SNX25: variants seen among roughly 807,000 people sequenced by gnomAD.
SNX25 encodes the protein sorting nexin-25.
Under a neutral mutation model 113.7 loss-of-function variants are expected in SNX25, and 62 were observed. The observed-to-expected ratio is 0.55, with a 90% CI of 0.44 to 0.67. The LOEUF (loss-of-function observed/expected upper bound fraction) is 0.67. Ranked by LOEUF, SNX25 falls within the 30% of genes least tolerant of loss-of-function variation. The pLI, the probability that SNX25 is intolerant of heterozygous loss-of-function variation, is 0.00. For synonymous variants in SNX25, 421 were observed against 436.2 expected (o/e 0.97, Z 0.43); for missense variants, 1,014 against 1,161.0 (o/e 0.87, Z 1.84).
intron 9 of SNX25, among the ~76,000 whole-genome samples, chr4:185,324,696 G>A (rs1044008490): frequency 2.6e-5 from 4 of 152,138 alleles, no homozygotes; most frequent in Admixed American, 6.6e-5. Flanking sequence ...TCAGCTATTA[G>A]GCTGATGCCC....
intron 3 of SNX25, among the ~76,000 whole-genome samples, chr4:185,262,088 C>G (rs563799020): frequency 1.3e-5 from 2 of 152,296 alleles, no homozygotes; most frequent in East Asian, 3.9e-4. Context: ...CTAGTGGCTG[C>G]AGAATGACTT....
chr4:185,332,780 T>C (rs375991872), intron 10 of SNX25, 21 bp downstream of exon 10: 23 of 1,606,924 alleles, frequency 1.4e-5, no homozygotes, highest in Non-Finnish European at 2.0e-5. Context: ...GCTTTCAAGG[T>C]TGTCTTTGAA....
intron 1 of SNX25, among the ~76,000 whole-genome samples, chr4:185,212,491 G>GTGTGTGTGTGTTTGTTT (rs546083196): frequency 9.5e-6 from 1 of 104,944 alleles, no homozygotes; most frequent in African/African-American, 3.7e-5. Flanking sequence ...GTGTGTGTGT[G>GTGTGTGTGTGTTTGTTT]TTTTTTTTTT....
chr4:185,315,658 A>G (rs996499974), intron 7 of SNX25, among the ~76,000 whole-genome samples: 1 of 152,202 alleles, frequency 6.6e-6, no homozygotes, highest in Non-Finnish European at 1.5e-5. Context: ...TACTCTTTCA[A>G]AAAACGGAGA....
chr4:185,204,891 G>T (rs1737118425), upstream of SNX25, among the ~76,000 whole-genome samples: 1 of 152,208 alleles, frequency 6.6e-6, no homozygotes, highest in African/African-American at 2.4e-5. Flanking sequence ...TTTGATTTTA[G>T]ACTTAATACC....
At chr4:185,206,146 T>TC, upstream of SNX25, among the ~76,000 whole-genome samples, 1 of 152,152 alleles carries the variant, frequency 6.6e-6, no homozygotes, top group African/African-American at 2.4e-5. Flanking sequence ...CCCAGCAATT[T>TC]CCCTTCTGGA....
chr4:185,320,535 C>T (rs1185245908), intron 7 of SNX25, among the ~76,000 whole-genome samples, 198 bp from the exon 8 acceptor site: 2 of 152,034 alleles, frequency 1.3e-5, no homozygotes, highest in Admixed American at 6.6e-5. Flanking sequence ...CAAACCACCA[C>T]AGCACATATA....
intron 11 of SNX25, 78 bp from the exon 12 acceptor site, chr4:185,341,898 G>C: frequency 1.4e-6 from 2 of 1,472,778 alleles, no homozygotes; most frequent in Non-Finnish European, 1.8e-6. Context: ...AATCTCCTTA[G>C]GGGGACACTT....
chr4:185,288,212 A>G (rs945383106), intron 6 of SNX25, 130 bp downstream of exon 6: 5 of 636,974 alleles, frequency 7.8e-6, no homozygotes, highest in Non-Finnish European at 8.3e-6. Flanking sequence ...CAATTTATTA[A>G]AAACAATACT....
At chr4:185,204,641 A>T (rs1737107337), upstream of SNX25, among the ~76,000 whole-genome samples, 1 of 152,230 alleles carries the variant, frequency 6.6e-6, no homozygotes, top group South Asian at 2.1e-4. Context: ...GATTTAGCTG[A>T]TGTGATTAAG....
At chr4:185,370,651 A>C, downstream of SNX25, 5 of 1,613,912 alleles carry the variant, frequency 3.1e-6, no homozygotes, top group Non-Finnish European at 4.2e-6. Context: ...TTAGAATAAT[A>C]GTGTTTAGCG....
At chr4:185,221,531 A>G (rs751574902) in intron 1 of SNX25, among the ~76,000 whole-genome samples, 1 of 151,974 alleles carries the variant, frequency 6.6e-6, no homozygotes, top group Non-Finnish European at 1.5e-5. Flanking sequence ...AGCTACCGTC[A>G]TGTCCCACCT....
At chr4:185,372,732 C>T (rs1246525044), downstream of SNX25, 12 of 716,874 alleles carry the variant, frequency 1.7e-5, no homozygotes, top group Non-Finnish European at 2.5e-5. Flanking sequence ...TGATGGTCCT[C>T]CCCTCTGGAG....
At chr4:185,357,814 C>T in intron 16 of SNX25, 77 bp downstream of exon 16, 1 of 1,181,850 alleles carries the variant, frequency 8.5e-7, no homozygotes, top group Non-Finnish European at 1.3e-6. Flanking sequence ...TATGATCTAG[C>T]AGCCAGTCAT....
chr4:185,215,941 T>C (rs1202515578), intron 1 of SNX25, among the ~76,000 whole-genome samples: 1 of 151,772 alleles, frequency 6.6e-6, no homozygotes, highest in Non-Finnish European at 1.5e-5. Context: ...GGACTACAGG[T>C]GTGCACCACT....
chr4:185,231,712 A>T (rs78568525), intron 1 of SNX25, among the ~76,000 whole-genome samples: 1 of 16,800 alleles, frequency 6.0e-5, no homozygotes, highest in Non-Finnish European at 1.7e-4. Context: ...CTCCATCTTC[A>T]AAAAAAAAAA....
chr4:185,292,737 T>C (rs1353677943), intron 6 of SNX25, among the ~76,000 whole-genome samples: 1 of 152,072 alleles, frequency 6.6e-6, no homozygotes, highest in African/African-American at 2.4e-5. Flanking sequence ...CTGGGCAACA[T>C]AGCAAGACCT....
At chr4:185,212,851 G>A (rs891806127) in intron 1 of SNX25, among the ~76,000 whole-genome samples, 2 of 152,204 alleles carry the variant, frequency 1.3e-5, no homozygotes, top group African/African-American at 2.4e-5. Flanking sequence ...TGGATTCAGC[G>A]TGAAGAAGAG....
Position 185,351,566 on chromosome 4 carries a change from C to T in SNX25, c.2423C>T (p.Ser808Leu). ...AAAAAAAATTCTTTTTCATTATCCT[C>T]ATTTTTGGAAAGACTTCCTCGCGAC... ...QGKKNSFSLS[S>L]FLERLPRDFF... The change falls in exon 14 of 19, where the codon TCA (serine) becomes TTA (leucine). Residue 808 changes from serine (S) to leucine (L), a missense_variant. Ser to Leu is a moderately radical substitution (Grantham distance 145). Coordinates refer to ENST00000652585, the MANE Select transcript of SNX25 (RefSeq NM_001378034.2). 1 of 1,614,130 alleles carries T rather than the reference C, an allele frequency of 6.2e-7. No individual in the cohort carries two copies. Among genetic ancestry groups the T allele is most frequent in the Non-Finnish European group, 8.5e-7 (1 of 1,180,024 alleles).
Sources: gnomAD v4.1 joint callset for allele counts (sites outside exome capture counted in the v4.1 genomes callset) on GRCh38, gnomAD v4.1.1 for gene constraint, MANE v1.5 for transcripts, NCBI Gene and HGNC (gene_info 2026-07-23, HGNC 2026-07-21) for gene names.